Variants in ZNF674 observed in about 807,000 individuals in gnomAD.
ZNF674 encodes zinc finger protein 674.
In ZNF674, 2 loss-of-function variants were observed where a neutral mutation model predicts 7.0. That is an observed-to-expected ratio of 0.29 (90% confidence interval 0.12 to 0.90). ZNF674 has a LOEUF of 0.90. Ranked by LOEUF, ZNF674 falls within the 40% of genes least tolerant of loss-of-function variation. The probability of loss-of-function intolerance (pLI) is 0.57; values close to 1 mark genes in which losing one functional copy is unlikely to be tolerated. For missense variants in ZNF674, 297 were observed against 415.5 expected, an observed-to-expected ratio of 0.71 and a Z score of 2.48; for synonymous variants, 103 against 145.2, an observed-to-expected ratio of 0.71 and a Z score of 2.09.
chrX:46,529,166 C>G (rs1027812870), intron 3 of ZNF674: 45 of 437,652 alleles, frequency 1.0e-4, no homozygotes, highest in African/African-American at 7.8e-4. Context: ...CGCATCCACG[C>G]TGGCCTTTCT....
chrX:46,535,696 A>C (rs1228326745), intron 3 of ZNF674, among the ~76,000 whole-genome samples: 1 of 112,286 alleles, frequency 8.9e-6, no homozygotes, highest in Non-Finnish European at 1.9e-5. Context: ...CAAAGAAGTT[A>C]TAAACTATTT....
intron 3 of ZNF674, among the ~76,000 whole-genome samples, chrX:46,530,234 GA>G (rs1380419448): frequency 2.7e-5 from 3 of 112,085 alleles, no homozygotes; most frequent in African/African-American, 9.7e-5. Flanking sequence ...AGAGGGGCAG[GA>G]AAGCCAGTGT....
chrX:46,529,136 AATCCACGCAGTCTGGCTCCCGC>A, intron 3 of ZNF674: 2 of 555,887 alleles, frequency 3.6e-6, no homozygotes, highest in South Asian at 3.2e-5. Flanking sequence ...GAGGGATTCG[AATCCACGCAGTCTGGCTCCCGC>A]ATCCACGCTG....
At chrX:46,524,844 T>C (rs1415724860) in intron 5 of ZNF674, among the ~76,000 whole-genome samples, 1 of 109,881 alleles carries the variant, frequency 9.1e-6, no homozygotes, top group African/African-American at 3.3e-5. Context: ...ACCTCATCTT[T>C]ACAAAAAATT....
chrX:46,535,207 C>A (rs992058516), intron 3 of ZNF674, among the ~76,000 whole-genome samples: 6 of 111,038 alleles, frequency 5.4e-5, no homozygotes, highest in African/African-American at 2.0e-4. Context: ...AATGCAGTGG[C>A]ATGCTCACAG....
Position 46,500,824 on chromosome X carries a change from G to A in ZNF674, c.750C>T (p.Cys250=), listed in dbSNP as rs371723804. The A allele has an allele frequency of 2.4e-5, 28 of 1,189,315 alleles. No homozygotes were observed. In the African/African-American group the frequency reaches 2.9e-4, roughly 12 times the overall value. ...TCTGGCTGAAGGCTTTTGCACATTC[G>A]CAGCATTCATAAGGTTTCTCTCCGG... ...THTGEKPYEC[C]ECAKAFSQKS... is the part of the protein sequence containing the mutation. Residue 250 remains cysteine (C), a synonymous_variant, in exon 6 of 6, where the codon TGC becomes TGT. Transcript: ENST00000683375.
rs147118092 is a variant in ZNF674, at chrX:46,533,489, C to T, written c.16-4580G>A. Reference sequence around the variant, plus strand: ...ACAGCAAAAATAAATCAGCCAGACACGGTGGCTCACACCTGAAATCCCAGC... The same window carrying T: ...ACAGCAAAAATAAATCAGCCAGACATGGTGGCTCACACCTGAAATCCCAGC... On this transcript the variant is annotated intron_variant, in intron 3 of 5. Transcript: ENST00000683375. Among the ~76,000 whole-genome samples, 341 of 110,562 alleles carry T rather than the reference C, an allele frequency of 3.1e-3. 3 individuals are homozygous for T. Among genetic ancestry groups the T allele is most frequent in the African/African-American group, 0.01 (309 of 30,352 alleles).
intron 5 of ZNF674, among the ~76,000 whole-genome samples, chrX:46,509,384 AC>A (rs1178017624): frequency 9.0e-6 from 1 of 111,099 alleles, no homozygotes; most frequent in Non-Finnish European, 1.9e-5. Flanking sequence ...TTCGCAACCT[AC>A]CCATCTGACA....
At chrX:46,518,561 T>G (rs1004445923) in intron 5 of ZNF674, among the ~76,000 whole-genome samples, 7 of 108,984 alleles carry the variant, frequency 6.4e-5, no homozygotes, top group Non-Finnish European at 1.1e-4. Flanking sequence ...CTGGGCAACA[T>G]AGTGAGACCC....
chrX:46,529,165 G>A (rs1860012655), intron 3 of ZNF674: 1 of 441,777 alleles, frequency 2.3e-6, no homozygotes, highest in Non-Finnish European at 3.8e-6. Flanking sequence ...CCGCATCCAC[G>A]CTGGCCTTTC....
intron 3 of ZNF674, among the ~76,000 whole-genome samples, chrX:46,540,658 C>T (rs1942276267): frequency 9.0e-6 from 1 of 111,555 alleles, no homozygotes; most frequent in African/African-American, 3.3e-5. Flanking sequence ...AAATTTAAGT[C>T]TCACTACCTT....
At chrX:46,524,996 C>A (rs899144099) in intron 5 of ZNF674, among the ~76,000 whole-genome samples, 2 of 110,104 alleles carry the variant, frequency 1.8e-5, no homozygotes, top group African/African-American at 6.6e-5. Context: ...GGGAACAGAA[C>A]GAGACTCCAT....
intron 5 of ZNF674, among the ~76,000 whole-genome samples, chrX:46,514,729 T>A (rs1826405657): frequency 8.9e-6 from 1 of 112,053 alleles, no homozygotes; most frequent in African/African-American, 3.2e-5. Context: ...GCCCATTGTA[T>A]CTCCTTCCTT....
intron 2 of ZNF674, among the ~76,000 whole-genome samples, chrX:46,542,697 G>A (rs1250095744): frequency 9.0e-6 from 1 of 111,132 alleles, no homozygotes; most frequent in Non-Finnish European, 1.9e-5. Flanking sequence ...GTGTGACAAC[G>A]TCAGAGCCTG....
intron 3 of ZNF674, among the ~76,000 whole-genome samples, chrX:46,531,539 G>GA (rs1252007953): frequency 9.0e-6 from 1 of 111,616 alleles, no homozygotes; most frequent in African/African-American, 3.3e-5. Context: ...GTCCACTGGA[G>GA]AATGACTTGG....
At chrX:46,507,062 A>G (rs767539698) in intron 5 of ZNF674, among the ~76,000 whole-genome samples, 1 of 111,731 alleles carries the variant, frequency 9.0e-6, no homozygotes. Context: ...AAGAAACAAA[A>G]CAAGCCAGGA....
At chrX:46,533,047 G>A (rs1942136874) in intron 3 of ZNF674, among the ~76,000 whole-genome samples, 1 of 111,551 alleles carries the variant, frequency 9.0e-6, no homozygotes, top group Non-Finnish European at 1.9e-5. Flanking sequence ...AGGATATGAG[G>A]AGGCTAAAAT....
At chrX:46,516,968 C>T (rs907643359) in intron 5 of ZNF674, among the ~76,000 whole-genome samples, 6 of 107,769 alleles carry the variant, frequency 5.6e-5, no homozygotes, top group Admixed American at 1.0e-4. Flanking sequence ...TGTGCCACTG[C>T]ACTCCAGCCT....
At chrX:46,536,544 C>T (rs1318174866) in intron 3 of ZNF674, among the ~76,000 whole-genome samples, 7 of 102,799 alleles carry the variant, frequency 6.8e-5, no homozygotes, top group African/African-American at 2.2e-4. Flanking sequence ...GAGCTGAGAT[C>T]GTGCCATTGC....
Sources: gnomAD v4.1 joint callset for allele counts (sites outside exome capture counted in the v4.1 genomes callset) on GRCh38, gnomAD v4.1.1 for gene constraint, MANE v1.5 for transcripts, NCBI Gene and HGNC (gene_info 2026-07-23, HGNC 2026-07-21) for gene names.